Variants in STPG2 observed in about 807,000 individuals in gnomAD.
The protein encoded by STPG2 is sperm tail PG-rich repeat containing 2, also known as sperm-tail PG-rich repeat-containing protein 2.
A neutral mutation model predicts 54.2 loss-of-function variants in STPG2; 56 were observed. The ratio of observed to expected loss-of-function variants is 1.03; its 90% CI spans 0.83 to 1.29. The LOEUF is 1.29. STPG2 is among the 50% of genes most tolerant of loss of function. The pLI is 0.00. For missense variants in STPG2, 596 were observed against 544.9 expected (o/e 1.09, Z -0.93); for synonymous variants, 200 against 181.8 (o/e 1.10, Z -0.81).
At chr4:97,562,543 G>C (rs1578389954) in intron 10 of STPG2, among the ~76,000 whole-genome samples, 2 of 152,296 alleles carry the variant, frequency 1.3e-5, no homozygotes, top group South Asian at 4.1e-4. Context: ...AATGCTTGCA[G>C]TTTTTGCCCA....
rs570185279 is a variant in STPG2, at chr4:97,799,496, T to C, written c.1204+41277A>G. Among the ~76,000 whole-genome samples, 642 of 152,268 alleles carry C rather than the reference T, an allele frequency of 4.2e-3. 3 individuals carry two copies. Among genetic ancestry groups the C allele is most frequent in the South Asian group, 0.024 (116 of 4,828 alleles). ...GGTTGAAAATTCTTTTCTTAAAGGA[T>C]GTTGAATATTGGCCCCCACTCTCTT... is the stretch of plus-strand genomic sequence containing the variant. On this transcript the variant is annotated intron_variant, in intron 9 of 10. Coordinates refer to ENST00000295268, the MANE Select transcript of STPG2 (RefSeq NM_174952.3).
chr4:98,055,216 T>A (rs1013712483), intron 5 of STPG2, among the ~76,000 whole-genome samples: 1 of 152,086 alleles, frequency 6.6e-6, no homozygotes, highest in East Asian at 1.9e-4. Flanking sequence ...AATTCCTTGT[T>A]CAAAACTCAC....
At chr4:97,764,192 T>C (rs1725973696) in intron 9 of STPG2, among the ~76,000 whole-genome samples, 1 of 148,804 alleles carries the variant, frequency 6.7e-6, no homozygotes, top group Non-Finnish European at 1.5e-5. Flanking sequence ...ACATGCAGAG[T>C]GAACTTACTT....
chr4:97,721,954 A>G (rs1400655071), intron 9 of STPG2, among the ~76,000 whole-genome samples: 1 of 152,034 alleles, frequency 6.6e-6, no homozygotes, highest in African/African-American at 2.4e-5. Flanking sequence ...AACCTTTGAC[A>G]TGAAATATAT....
At chr4:97,515,462 A>G (rs1349247934) in intron 4 of STPG2, among the ~76,000 whole-genome samples, 1 of 152,116 alleles carries the variant, frequency 6.6e-6, no homozygotes, top group Admixed American at 6.6e-5. Flanking sequence ...GAAAGCAGAA[A>G]AGGGAATTGA....
chr4:97,585,124 A>T (rs1295534906), intron 10 of STPG2, among the ~76,000 whole-genome samples: 2 of 110,282 alleles, frequency 1.8e-5, no homozygotes, highest in African/African-American at 7.7e-5. Context: ...AAAAAAAAAA[A>T]CAAAACTACA....
chr4:97,863,797 C>G (rs1018938342), intron 8 of STPG2, among the ~76,000 whole-genome samples: 1 of 152,132 alleles, frequency 6.6e-6, no homozygotes. Context: ...GTTCAACATA[C>G]ACAAATCAAT....
chr4:97,976,084 C>A (rs1452179912), intron 6 of STPG2, among the ~76,000 whole-genome samples: 2 of 151,968 alleles, frequency 1.3e-5, no homozygotes, highest in Admixed American at 1.3e-4. Flanking sequence ...TATAAGATTT[C>A]TCTCTAACTG....
At chr4:97,562,810 T>G (rs1040128146) in intron 10 of STPG2, among the ~76,000 whole-genome samples, 1 of 152,304 alleles carries the variant, frequency 6.6e-6, no homozygotes, top group Non-Finnish European at 1.5e-5. Flanking sequence ...TCACGGTGGA[T>G]AAGCTTTGTG....
At chr4:97,883,212 C>G (rs1055906376) in intron 8 of STPG2, among the ~76,000 whole-genome samples, 4 of 151,160 alleles carry the variant, frequency 2.6e-5, no homozygotes, top group African/African-American at 9.7e-5. Context: ...CATATACACA[C>G]ATACATATAT....
chr4:97,523,083 C>T (rs568601730), intron 4 of STPG2, among the ~76,000 whole-genome samples: 1 of 151,984 alleles, frequency 6.6e-6, no homozygotes, highest in Non-Finnish European at 1.5e-5. Flanking sequence ...TAAAGTTACA[C>T]CTTTAATATA....
chr4:97,931,222 T>G (rs1450726151), intron 8 of STPG2, among the ~76,000 whole-genome samples: 1 of 152,230 alleles, frequency 6.6e-6, no homozygotes, highest in Non-Finnish European at 1.5e-5. Context: ...AATACTATGC[T>G]GAATAAAAGT....
At chr4:97,583,559 T>TAGGAAA (rs75051299) in intron 10 of STPG2, among the ~76,000 whole-genome samples, 127,079 of 151,344 alleles carry the variant, frequency 0.84, 53,862 homozygotes, top group African/African-American at 0.96. Context: ...ACTTAGAGTG[T>TAGGAAA]TATTATTCCC....
chr4:97,549,144 C>A (rs1362380066), intron 4 of STPG2, among the ~76,000 whole-genome samples: 1 of 147,670 alleles, frequency 6.8e-6, no homozygotes, highest in African/African-American at 2.5e-5. Flanking sequence ...GTGCTATTTA[C>A]CAACTTGTGG....
At chr4:97,866,870 A>G (rs903189857) in intron 8 of STPG2, among the ~76,000 whole-genome samples, 5 of 151,858 alleles carry the variant, frequency 3.3e-5, no homozygotes, top group African/African-American at 4.8e-5. Flanking sequence ...GGGAGAATAG[A>G]TTAAAGGCAG....
intron 7 of STPG2, among the ~76,000 whole-genome samples, chr4:97,967,279 T>C (rs1247113798): frequency 6.7e-6 from 1 of 149,752 alleles, no homozygotes; most frequent in Non-Finnish European, 1.5e-5. Flanking sequence ...GGCCATTACA[T>C]AATGGTAAAG....
intron 8 of STPG2, among the ~76,000 whole-genome samples, chr4:97,918,891 A>G (rs1352730456): frequency 6.6e-6 from 1 of 152,198 alleles, no homozygotes; most frequent in East Asian, 1.9e-4. Context: ...TGGGTACACC[A>G]AAATCTCAGA....
At chr4:97,759,918 C>T (rs919629799) in intron 9 of STPG2, among the ~76,000 whole-genome samples, 1 of 152,112 alleles carries the variant, frequency 6.6e-6, no homozygotes, top group South Asian at 2.1e-4. Context: ...TCTTTCCAAT[C>T]TATTCTTAAA....
At chr4:97,442,857 GC>G (rs1729124985) in intron 4 of STPG2, among the ~76,000 whole-genome samples, 1 of 152,090 alleles carries the variant, frequency 6.6e-6, no homozygotes, top group Non-Finnish European at 1.5e-5. Context: ...AAGGGTGTGT[GC>G]TTTTTATAGA....
Sources: gnomAD v4.1 joint callset for allele counts (sites outside exome capture counted in the v4.1 genomes callset) on GRCh38, gnomAD v4.1.1 for gene constraint, MANE v1.5 for transcripts, NCBI Gene and HGNC (gene_info 2026-07-23, HGNC 2026-07-21) for gene names.